Variants in PTH2R observed in about 807,000 individuals in gnomAD.
PTH2R encodes the protein parathyroid hormone 2 receptor.
PTH2R carries 59 observed loss-of-function variants against 60.3 expected under a neutral mutation model. The observed-to-expected ratio is 0.98, with a 90% confidence interval of 0.79 to 1.22. The LOEUF is 1.22. Among genes scored for constraint, PTH2R ranks in the 50% most tolerant of loss-of-function variants. The pLI, the probability that PTH2R is intolerant of heterozygous loss-of-function variation, is 0.00. For synonymous variants in PTH2R, 256 were observed against 243.8 expected (o/e 1.05, Z -0.47); for missense variants, 749 against 682.6 (o/e 1.10, Z -1.08).
intron 1 of PTH2R, among the ~76,000 whole-genome samples, chr2:208,419,301 A>G (rs1290685244): frequency 2.0e-5 from 3 of 151,910 alleles, no homozygotes; most frequent in African/African-American, 7.3e-5. Flanking sequence ...ATGTGTTTTT[A>G]TTTGCTGTGT....
intron 1 of PTH2R, among the ~76,000 whole-genome samples, chr2:208,377,660 G>T (rs1700826240): frequency 6.6e-6 from 1 of 151,606 alleles, no homozygotes; most frequent in Non-Finnish European, 1.5e-5. Context: ...CTCAGACGGG[G>T]CAGCTGCCGG....
rs1313402778 is a variant in PTH2R, at chr2:208,481,565, G to A, written c.1076+401G>A. 2.0e-5 allele frequency among the ~76,000 whole-genome samples: 3 copies of A among 152,070 alleles called. No homozygotes were observed. In the East Asian group the frequency reaches 5.8e-4, roughly 29 times the overall value. ...ATAAATTGATTTGAAATATCTTTAA[G>A]AGATTAAATTTATGAATGTATATTT... is the stretch of plus-strand genomic sequence containing the variant. On this transcript the variant is annotated intron_variant, in intron 10 of 12. Coordinates refer to ENST00000272847, the MANE Select transcript of PTH2R (RefSeq NM_005048.4).
At chr2:208,400,070 G>A (rs1476110878) in intron 1 of PTH2R, among the ~76,000 whole-genome samples, 1 of 152,044 alleles carries the variant, frequency 6.6e-6, no homozygotes, top group African/African-American at 2.4e-5. Flanking sequence ...ATAGCACCTG[G>A]AAAATTAAAC....
At chr2:208,388,132 A>ACCCT (rs1701036771) in intron 1 of PTH2R, among the ~76,000 whole-genome samples, 1 of 131,352 alleles carries the variant, frequency 7.6e-6, no homozygotes. Context: ...ACATGGTGAA[A>ACCCT]CCCCCCCCCC....
At chr2:208,389,579 T>G (rs1369198398) in intron 1 of PTH2R, among the ~76,000 whole-genome samples, 1 of 152,194 alleles carries the variant, frequency 6.6e-6, no homozygotes, top group Non-Finnish European at 1.5e-5. Context: ...GGGTAGACAC[T>G]GGAATAGTAC....
At chr2:208,396,059 G>A (rs10209089) in intron 1 of PTH2R, among the ~76,000 whole-genome samples, 7,222 of 152,200 alleles carry the variant, frequency 0.047, 254 homozygotes, top group African/African-American at 0.1. Flanking sequence ...AAGAAATAGG[G>A]AAAGGATTCC....
intron 9 of PTH2R, among the ~76,000 whole-genome samples, chr2:208,475,337 A>G (rs1304822272): frequency 6.6e-6 from 1 of 152,194 alleles, no homozygotes; most frequent in Non-Finnish European, 1.5e-5. Context: ...ACATACATCT[A>G]AGCTATGCTT....
intron 1 of PTH2R, among the ~76,000 whole-genome samples, chr2:208,391,605 GTTT>G (rs997182267): frequency 6.6e-6 from 1 of 152,142 alleles, no homozygotes; most frequent in Non-Finnish European, 1.5e-5. Flanking sequence ...AGCTCCCTGA[GTTT>G]TTTTATGACG....
intron 9 of PTH2R, among the ~76,000 whole-genome samples, chr2:208,462,289 TAAAGG>T (rs1276208142): frequency 2.0e-5 from 3 of 152,014 alleles, no homozygotes; most frequent in Admixed American, 6.6e-5. Flanking sequence ...AGTGGAAAAC[TAAAGG>T]AAAGAAAAAA....
intron 1 of PTH2R, among the ~76,000 whole-genome samples, chr2:208,377,509 C>A (rs1700819384): frequency 6.7e-6 from 1 of 148,782 alleles, no homozygotes; most frequent in Non-Finnish European, 1.5e-5. Flanking sequence ...CGGGCCCCCA[C>A]CTCCCTCCCA....
chr2:208,493,644 TG>T lies in PTH2R; in HGVS notation c.1639del (p.Glu547ArgfsTer22). 6.4e-7 allele frequency: 1 copy of T among 1,554,468 alleles called. No homozygotes were observed. The highest frequency in any genetic ancestry group is 8.7e-7 in the Non-Finnish European group (1 of 1,146,990). ...PDTEGCQGET[E>X]DVL ...ACACTGAAGGATGCCAAGGAGAAAC[TG>T]AGGATGTTCTCTGAATGGACATTTG... On this transcript the variant is annotated frameshift_variant, in exon 13 of 13. Coordinates refer to ENST00000272847, the MANE Select transcript of PTH2R (RefSeq NM_005048.4). LOFTEE classifies it high-confidence loss of function.
intron 9 of PTH2R, among the ~76,000 whole-genome samples, chr2:208,480,441 C>T (rs971071144): frequency 5.9e-5 from 9 of 152,094 alleles, no homozygotes; most frequent in African/African-American, 1.9e-4. Context: ...TCCTTGAGGT[C>T]CTCAGACAGA....
chr2:208,423,636 T>C (rs1313172804), intron 1 of PTH2R, among the ~76,000 whole-genome samples: 1 of 152,250 alleles, frequency 6.6e-6, no homozygotes, highest in East Asian at 1.9e-4. Flanking sequence ...TTGAGTTCTA[T>C]ATCCTTGCTG....
In PTH2R at chr2:208,442,451, G is replaced by C. The variant is rs200436469; in HGVS notation, c.499G>C (p.Gly167Arg). The C allele has an allele frequency of 4.4e-6, 7 of 1,602,906 alleles. No individual in the cohort carries two copies. The African/African-American group carries it at 5.4e-5, about 12-fold the overall frequency. ...CTTGGCTGTGGCTATTCTCATCATT[G>C]GTTACTTCAGGTGAGTGATGCCCAT... ...GSLAVAILIIGYFRRLHCTRN... is the reference protein window; with the variant it reads ...GSLAVAILIIRYFRRLHCTRN... Residue 167 changes from glycine to arginine, a missense_variant, in exon 5 of 13, where the codon GGT (glycine) becomes CGT (arginine). Coordinates refer to ENST00000272847, the MANE Select transcript of PTH2R (RefSeq NM_005048.4).
At chr2:208,368,149 C>A (rs1700628933) in intron 1 of PTH2R, among the ~76,000 whole-genome samples, 1 of 152,198 alleles carries the variant, frequency 6.6e-6, no homozygotes, top group African/African-American at 2.4e-5. Flanking sequence ...TTACCTGGTA[C>A]TCTGAGGCAC....
intron 1 of PTH2R, among the ~76,000 whole-genome samples, chr2:208,419,831 C>A (rs1701716729): frequency 6.6e-6 from 1 of 152,144 alleles, no homozygotes; most frequent in Non-Finnish European, 1.5e-5. Context: ...AAGACACATG[C>A]TCACGTATGT....
chr2:208,451,188 C>T (rs1702401702), intron 8 of PTH2R, among the ~76,000 whole-genome samples: 1 of 152,166 alleles, frequency 6.6e-6, no homozygotes, highest in African/African-American at 2.4e-5. Flanking sequence ...CTCTCTCTCT[C>T]TCTGCCACAT....
At chr2:208,445,858 A>G (rs545112188) in intron 7 of PTH2R, among the ~76,000 whole-genome samples, 1 of 152,324 alleles carries the variant, frequency 6.6e-6, no homozygotes, top group Non-Finnish European at 1.5e-5. Context: ...TTATGAAATA[A>G]TCATCACAAT....
Position 208,372,264 on chromosome 2 carries a change from T to C in PTH2R, c.-259+12027T>C, listed in dbSNP as rs1161977681. Reference sequence around the variant, plus strand: ...AGCACTGTTAGATTATCCCATGTAATACATCACTTGATTGATTTAAGAGAT... The same window carrying C: ...AGCACTGTTAGATTATCCCATGTAACACATCACTTGATTGATTTAAGAGAT... On this transcript the variant is annotated intron_variant, in intron 1 of 12. Coordinates refer to the PTH2R transcript ENST00000617735. Among the ~76,000 whole-genome samples, 3 of 152,266 alleles carry C rather than the reference T, an allele frequency of 2.0e-5. No individual in the cohort carries two copies. In the East Asian group the frequency reaches 5.8e-4, roughly 29 times the overall value.
Sources: gnomAD v4.1 joint callset for allele counts (sites outside exome capture counted in the v4.1 genomes callset) on GRCh38, gnomAD v4.1.1 for gene constraint, MANE v1.5 for transcripts, NCBI Gene and HGNC (gene_info 2026-07-23, HGNC 2026-07-21) for gene names.